Variants in PRDM16 observed in about 807,000 individuals in gnomAD.
The protein encoded by PRDM16 is histone-lysine N-methyltransferase PRDM16.
PRDM16 carries 23 observed loss-of-function variants against 110.6 expected under a neutral mutation model. The observed-to-expected ratio is 0.21, with a 90% confidence interval of 0.15 to 0.29. The LOEUF (loss-of-function observed/expected upper bound fraction) is 0.29, where lower values mean the gene tolerates loss of function less well. Among genes scored for constraint, PRDM16 ranks in the 10% least tolerant of loss-of-function variants. The pLI, the probability that PRDM16 is intolerant of heterozygous loss-of-function variation, is 1.00. For missense variants in PRDM16, 1,615 were observed against 1,794.3 expected (o/e 0.90, Z 1.81); for synonymous variants, 799 against 781.8 (o/e 1.02, Z -0.37).
intron 1 of PRDM16, among the ~76,000 whole-genome samples, chr1:3,172,555 C>A (rs539254676): frequency 1.3e-5 from 2 of 152,334 alleles, no homozygotes; most frequent in East Asian, 3.9e-4. Flanking sequence ...CCACAGTGTC[C>A]ATCCACAGAT....
At chr1:3,266,818 G>C (rs1057319567) in intron 3 of PRDM16, among the ~76,000 whole-genome samples, 2 of 152,140 alleles carry the variant, frequency 1.3e-5, no homozygotes, top group Non-Finnish European at 2.9e-5. Context: ...TGGGATTACA[G>C]GCAACCGCCC....
intron 3 of PRDM16, among the ~76,000 whole-genome samples, chr1:3,300,691 A>T (rs1284818134): frequency 1.3e-5 from 2 of 152,174 alleles, no homozygotes; most frequent in African/African-American, 4.8e-5. Flanking sequence ...CATCATTGTT[A>T]GCATTTCCTT....
chr1:3,069,246 C>T lies in PRDM16; in HGVS notation c.-14C>T, dbSNP rs180925565. On this transcript the variant is annotated 5_prime_UTR_variant, in exon 1 of 17. Transcript: ENST00000270722. This position sits in a 1 kb window ranked among gnomAD's most constrained non-coding sequence, Gnocchi z 6.1. The stretch of plus-strand genomic sequence containing the variant: ...GACTCAAGGAGGAGGAGAGAGATTC[C>T]GCGAGCCGACACCATGCGATCCAAG... 2.0e-5 allele frequency: 31 copies of T among 1,573,200 alleles called. No individual in the cohort carries two copies. In the African/African-American group the frequency reaches 3.6e-4, roughly 18 times the overall value.
At chr1:3,145,184 C>T (rs976551025) in intron 1 of PRDM16, among the ~76,000 whole-genome samples, 4 of 152,188 alleles carry the variant, frequency 2.6e-5, no homozygotes, top group Non-Finnish European at 4.4e-5. Flanking sequence ...GGAAACCGCC[C>T]CCACCCCTCT....
chr1:3,412,361 C>A lies in PRDM16; in HGVS notation c.2164C>A (p.His722Asn), dbSNP rs1444905889. 1 of 1,613,676 alleles carries A rather than the reference C, an allele frequency of 6.2e-7. No homozygotes were observed. Among genetic ancestry groups the A allele is most frequent in the Admixed American group, 1.7e-5 (1 of 60,024 alleles). Reference sequence around the variant, plus strand: ...GAAGAAGCTGGGCTCGCTCCCCTACCACTCGGCGTTCCCCTTCCAGTTCCT... The same window carrying A: ...GAAGAAGCTGGGCTCGCTCCCCTACAACTCGGCGTTCCCCTTCCAGTTCCT... Reference protein sequence around the residue: ...QEKKLGSLPYHSAFPFQFLPN... With the variant: ...QEKKLGSLPYNSAFPFQFLPN... Residue 722 changes from histidine to asparagine, a missense_variant, in exon 9 of 17, where the codon CAC becomes AAC. His to Asn is a moderately conservative substitution (Grantham distance 68). Around this residue, in one of 5 missense-constraint regions of PRDM16, gnomAD observed 772 missense variants for 748.3 expected, o/e 1.03. Transcript: ENST00000270722.
Position 3,269,820 on chromosome 1 carries a change from G to GTCAGGAGGAGCATAATCCT in PRDM16, c.438+25683_438+25684insTCAGGAGGAGCATAATCCT, listed in dbSNP as rs1557570600. 2.2e-3 allele frequency among the ~76,000 whole-genome samples: 290 copies of GTCAGGAGGAGCATAATCCT among 133,512 alleles called. 25 individuals are homozygous for GTCAGGAGGAGCATAATCCT. Among genetic ancestry groups the GTCAGGAGGAGCATAATCCT allele is most frequent in the Non-Finnish European group, 3.0e-3 (192 of 63,150 alleles). 87.6% of individuals were successfully genotyped at this position (133,512 alleles called of 152,430 possible). ...AGGAGGACAGTCCCAGAGAATGACA[G>GTCAGGAGGAGCATAATCCT]GGAGGAGGACAGTCCCAGAGGATGA... On this transcript the variant is annotated intron_variant, in intron 3 of 16. Coordinates refer to ENST00000270722, the MANE Select transcript of PRDM16 (RefSeq NM_022114.4).
In PRDM16 at chr1:3,412,081, C is replaced by A; in HGVS notation, c.1884C>A (p.Asp628Glu). ...TTGTGSDLDS[D>E]VDSDPDKDKG... The stretch of plus-strand genomic sequence containing the variant: ...GGACGGGCTCGGACCTGGACAGCGA[C>A]GTGGACAGCGACCCTGACAAGGACA... The change falls in exon 9 of 17, where the codon GAC (aspartate) becomes GAA (glutamate). Residue 628 changes from aspartate to glutamate, a missense_variant. Physicochemically the swap from Asp to Glu is conservative, Grantham distance 45. This residue lies in a region of PRDM16 where 772 missense variants were observed against 748.3 expected (regional missense o/e 1.03). Transcript: ENST00000270722. 6.3e-7 allele frequency: 1 copy of A among 1,594,802 alleles called. No individual in the cohort carries two copies. The highest frequency in any genetic ancestry group is 8.6e-7 in the Non-Finnish European group (1 of 1,168,590).
intron 2 of PRDM16, among the ~76,000 whole-genome samples, chr1:3,205,027 G>A (rs1247388356): frequency 5.9e-5 from 9 of 152,152 alleles, no homozygotes; most frequent in Admixed American, 5.9e-4. Context: ...ACGCAGGCCC[G>A]GGTATAATGC....
chr1:3,418,143 G>C (rs967839723), intron 11 of PRDM16, 146 bp downstream of exon 11: 11 of 711,096 alleles, frequency 1.5e-5, no homozygotes, highest in Non-Finnish European at 2.1e-5. Context: ...TCTGCTTGAG[G>C]TCATGCTTTG....
At chr1:3,170,305 G>A (rs978456110) in intron 1 of PRDM16, among the ~76,000 whole-genome samples, 1 of 152,204 alleles carries the variant, frequency 6.6e-6, no homozygotes, top group African/African-American at 2.4e-5. Context: ...GGCCTGAAGG[G>A]GTGAGGCTTC....
rs1642674399 is a variant in PRDM16 at position 3,359,561 on chromosome 1, C to T, written c.439-25591C>T. On this transcript the variant is annotated intron_variant, in intron 3 of 16. Coordinates refer to ENST00000270722, the MANE Select transcript of PRDM16 (RefSeq NM_022114.4). The surrounding 1 kb of genome is among the most constrained non-coding windows in gnomAD (Gnocchi z 4.3). ...TGCACCATCTGCATCGCATCTCTCC[C>T]TGCAGCTACTCCAGGCTCGGGTTTC... Among the ~76,000 whole-genome samples, 1 of 152,342 alleles carries T rather than the reference C, an allele frequency of 6.6e-6. No homozygotes were observed. Among genetic ancestry groups the T allele is most frequent in the Non-Finnish European group, 1.5e-5 (1 of 68,036 alleles).
chr1:3,162,639 C>T (rs540408689), intron 1 of PRDM16, among the ~76,000 whole-genome samples: 2 of 152,248 alleles, frequency 1.3e-5, no homozygotes, highest in Non-Finnish European at 2.9e-5. Flanking sequence ...CAGCGGCGAG[C>T]CCGTGCGCCG....
chr1:3,238,605 A>C (rs1459744553), intron 2 of PRDM16, among the ~76,000 whole-genome samples: 1 of 152,224 alleles, frequency 6.6e-6, no homozygotes, highest in South Asian at 2.1e-4. Flanking sequence ...TGCGAGCCAG[A>C]GGCGGGGCGG....
chr1:3,305,841 T>A (rs936303548), intron 3 of PRDM16, among the ~76,000 whole-genome samples: 1 of 152,190 alleles, frequency 6.6e-6, no homozygotes, highest in Non-Finnish European at 1.5e-5. Context: ...CCCTTCCGGG[T>A]GATGCCCGTG....
chr1:3,170,754 G>A (rs942773225), intron 1 of PRDM16, among the ~76,000 whole-genome samples: 7 of 152,090 alleles, frequency 4.6e-5, no homozygotes, highest in East Asian at 1.9e-4. Flanking sequence ...TGTCCTGGCC[G>A]CTCCCGTCAC....
Position 3,374,433 on chromosome 1 carries a change from C to T in PRDM16, c.439-10719C>T, listed in dbSNP as rs575904721. ...TCAGAGGCGAAACATACCTAAGCTA[C>T]TCCCAACACGTATGGCAGAGACGGA... On this transcript the variant is annotated intron_variant, in intron 3 of 16. Coordinates refer to ENST00000270722, the MANE Select transcript of PRDM16 (RefSeq NM_022114.4). 2.6e-5 allele frequency among the ~76,000 whole-genome samples: 4 copies of T among 152,368 alleles called. No homozygotes were observed. In the South Asian group the frequency reaches 8.3e-4, roughly 32 times the overall value.
intron 15 of PRDM16, among the ~76,000 whole-genome samples, chr1:3,431,570 TG>T (rs1216614778): frequency 6.6e-6 from 1 of 152,186 alleles, no homozygotes; most frequent in Non-Finnish European, 1.5e-5. Flanking sequence ...CAGATGCCCT[TG>T]GGGAGGCCCT....
At chr1:3,400,279 G>A (rs1001763614) in intron 5 of PRDM16, among the ~76,000 whole-genome samples, 1 of 152,240 alleles carries the variant, frequency 6.6e-6, no homozygotes, top group African/African-American at 2.4e-5. Context: ...CTTGCAGGTC[G>A]ATGCGGGGCT....
intron 2 of PRDM16, among the ~76,000 whole-genome samples, chr1:3,234,805 T>A: frequency 6.6e-6 from 1 of 152,258 alleles, no homozygotes; most frequent in Non-Finnish European, 1.5e-5. Context: ...GGGGTCTCCC[T>A]TGTGTTCCTG....
Sources: allele counts gnomAD v4.1 joint callset (sites outside exome capture counted in the v4.1 genomes callset), GRCh38; gene constraint gnomAD v4.1.1; regional missense constraint gnomAD v4.1.1; non-coding constraint Gnocchi (gnomAD v3.1); transcripts MANE v1.5; gene names NCBI Gene and HGNC (gene_info 2026-07-23, HGNC 2026-07-21).